Variants in IQSEC1 observed in about 807,000 individuals in gnomAD.
The protein encoded by IQSEC1 is IQ motif and SEC7 domain-containing protein 1.
A neutral mutation model predicts 91.0 loss-of-function variants in IQSEC1; 31 were observed. The ratio of observed to expected loss-of-function variants is 0.34; its 90% CI spans 0.26 to 0.46. The LOEUF is 0.46. Ranked by LOEUF, IQSEC1 falls within the 20% of genes least tolerant of loss-of-function variation. The pLI, the probability that IQSEC1 is intolerant of heterozygous loss-of-function variation, is 1.00. For synonymous variants in IQSEC1, 699 were observed against 662.6 expected, an observed-to-expected ratio of 1.05 and a Z score of -0.84; for missense variants, 1,388 against 1,575.6, an observed-to-expected ratio of 0.88 and a Z score of 2.02.
In IQSEC1 at chr3:12,900,371, TAA is replaced by T; in HGVS notation, c.*610_*611del. 1 of 984,906 alleles carries T rather than the reference TAA, an allele frequency of 1.0e-6. No individual in the cohort carries two copies. Among genetic ancestry groups the T allele is most frequent in the Non-Finnish European group, 1.2e-6 (1 of 829,834 alleles). 61.0% of individuals were successfully genotyped at this position (984,906 alleles called of 1,614,324 possible). On this transcript the variant is annotated 3_prime_UTR_variant, in exon 14 of 14. Coordinates refer to ENST00000613206, the MANE Select transcript of IQSEC1 (RefSeq NM_001134382.3). ...GCTAAGGTACTGTCTTCCTATTAGG[TAA>T]GTGGAGCTCCTTGTAAGGTGGGTAT...
In IQSEC1 at chr3:13,131,729, C is replaced by T. The variant is rs537994308; in HGVS notation, c.302+32375G>A. ...CTCGAACTCCTGACCTCAGGTGATC[C>T]GCCTGCATCAGCCCCACAAAGTGCA... is the stretch of plus-strand genomic sequence containing the variant. On this transcript the variant is annotated intron_variant, in intron 2 of 15. Transcript: ENST00000648114. Among the ~76,000 whole-genome samples, 10 of 152,150 alleles carry T rather than the reference C, an allele frequency of 6.6e-5. No homozygotes were observed. In the South Asian group the frequency reaches 1.2e-3, roughly 19 times the overall value.
chr3:13,096,042 C>G (rs1705949588), intron 2 of IQSEC1, among the ~76,000 whole-genome samples: 1 of 152,204 alleles, frequency 6.6e-6, no homozygotes, highest in Non-Finnish European at 1.5e-5. Context: ...TTCCTCCTGC[C>G]TCAGTATCCG....
chr3:13,129,942 G>A (rs542847330), intron 2 of IQSEC1, among the ~76,000 whole-genome samples: 1 of 152,022 alleles, frequency 6.6e-6, no homozygotes, highest in East Asian at 1.9e-4. Flanking sequence ...ACAGGCGTGA[G>A]CCACCGCGCC....
intron 2 of IQSEC1, among the ~76,000 whole-genome samples, chr3:13,092,734 G>A (rs534420354): frequency 8.7e-4 from 133 of 152,192 alleles, no homozygotes; most frequent in African/African-American, 3.2e-3. Context: ...TGGCCTCTTC[G>A]CGTAAAACAG....
At chr3:13,076,205 C>T (rs984570906), upstream of IQSEC1, among the ~76,000 whole-genome samples, 1 of 152,214 alleles carries the variant, frequency 6.6e-6, no homozygotes, top group African/African-American at 2.4e-5. Flanking sequence ...ACTCACCCAC[C>T]TCTGCAGGCT....
intron 1 of IQSEC1, among the ~76,000 whole-genome samples, chr3:13,218,845 C>T (rs1005963792): frequency 6.6e-6 from 1 of 152,178 alleles, no homozygotes; most frequent in Non-Finnish European, 1.5e-5. Context: ...ATGGAAGGAA[C>T]CTGGAGGAAG....
chr3:13,159,702 C>A (rs1707137848), intron 2 of IQSEC1, among the ~76,000 whole-genome samples: 1 of 152,044 alleles, frequency 6.6e-6, no homozygotes, highest in Non-Finnish European at 1.5e-5. Flanking sequence ...GAGGTGAGAC[C>A]CCCACCCACA....
At chr3:13,174,289 C>T (rs914372871) in intron 1 of IQSEC1, among the ~76,000 whole-genome samples, 1 of 152,166 alleles carries the variant, frequency 6.6e-6, no homozygotes, top group Non-Finnish European at 1.5e-5. Context: ...AGGCTTTGTC[C>T]TCTGGGTCAG....
chr3:13,028,405 A>C (rs1345789215), intron 1 of IQSEC1, among the ~76,000 whole-genome samples: 1 of 152,204 alleles, frequency 6.6e-6, no homozygotes, highest in East Asian at 1.9e-4. Flanking sequence ...AAGTATAAAG[A>C]CAATTGCACA....
At chr3:13,200,959 C>A (rs1047789664) in intron 1 of IQSEC1, among the ~76,000 whole-genome samples, 4 of 152,162 alleles carry the variant, frequency 2.6e-5, no homozygotes, top group African/African-American at 9.7e-5. Context: ...GAAGTATCAG[C>A]AAGATGGGGA....
intron 1 of IQSEC1, among the ~76,000 whole-genome samples, chr3:13,199,447 C>T (rs1694195953): frequency 6.6e-6 from 1 of 152,178 alleles, no homozygotes; most frequent in Non-Finnish European, 1.5e-5. Context: ...CAGCCCCTTT[C>T]CAAGCTGGGC....
At chr3:13,106,865 T>C (rs1706160953) in intron 2 of IQSEC1, among the ~76,000 whole-genome samples, 1 of 152,240 alleles carries the variant, frequency 6.6e-6, no homozygotes, top group South Asian at 2.1e-4. Context: ...TACATTTTTC[T>C]ATCCAAAATA....
Position 13,152,899 on chromosome 3 carries a change from GA to G in IQSEC1, c.302+11204del, listed in dbSNP as rs942583424. Among the ~76,000 whole-genome samples, 19 of 151,644 alleles carry G rather than the reference GA, an allele frequency of 1.3e-4. No individual in the cohort carries two copies. The East Asian group carries it at 2.3e-3, about 19-fold the overall frequency. Reference sequence around the variant, plus strand: ...CAAAACAAAACAAAAACAACCAAATGAAAAAAAAGTGTTCTTGGTTCTTTTC... The same window carrying G: ...CAAAACAAAACAAAAACAACCAAATGAAAAAAAGTGTTCTTGGTTCTTTTC... On this transcript the variant is annotated intron_variant, in intron 2 of 15. Transcript: ENST00000648114.
rs1014194930 is a variant in IQSEC1, at chr3:13,043,797, C to T, written c.23+29195G>A. The stretch of plus-strand genomic sequence containing the variant: ...AGGCTCTCAGAGGCACCACACTCAC[C>T]CCCTCTGGCCGCTTTGGGGCCCAGG... On this transcript the variant is annotated intron_variant, in intron 1 of 13. Coordinates refer to ENST00000613206, the MANE Select transcript of IQSEC1 (RefSeq NM_001134382.3). Among the ~76,000 whole-genome samples the T allele has an allele frequency of 2.6e-4, 40 of 152,322 alleles. 1 individual carries two copies. In the Middle Eastern group the frequency reaches 0.01, roughly 39 times the overall value.
intron 1 of IQSEC1, among the ~76,000 whole-genome samples, chr3:13,210,053 GAGCCTCTGAGTCCCAGTCCTC>G (rs1386209586): frequency 3.8e-4 from 58 of 152,280 alleles, no homozygotes; most frequent in South Asian, 8.3e-4. Flanking sequence ...GCACTCTTCT[GAGCCTCTGAGTCCCAGTCCTC>G]AGCCTCTGAG....
At chr3:13,012,250 C>T (rs541173901) in intron 1 of IQSEC1, among the ~76,000 whole-genome samples, 1 of 152,306 alleles carries the variant, frequency 6.6e-6, no homozygotes, top group East Asian at 1.9e-4. Flanking sequence ...AGGTCAGCTC[C>T]ACTGTGTATG....
intron 1 of IQSEC1, among the ~76,000 whole-genome samples, chr3:13,046,172 G>A (rs1381152385): frequency 6.6e-6 from 1 of 152,252 alleles, no homozygotes; most frequent in Non-Finnish European, 1.5e-5. Context: ...GGTGACGTCT[G>A]TGGAGTGGGC....
At chr3:13,113,115 T>C (rs1274029043) in intron 2 of IQSEC1, among the ~76,000 whole-genome samples, 1 of 152,140 alleles carries the variant, frequency 6.6e-6, no homozygotes, top group Non-Finnish European at 1.5e-5. Flanking sequence ...CTAGCTGCCT[T>C]ACAGTGAGGA....
intron 1 of IQSEC1, 97 bp downstream of exon 1, chr3:13,072,895 C>CTGCCCCTCCCCCAACGA: frequency 9.0e-7 from 1 of 1,117,132 alleles, no homozygotes; most frequent in South Asian, 1.3e-5. Flanking sequence ...GCACATCCAC[C>CTGCCCCTCCCCCAACGA]TGCCCCTCCC....
Sources: allele counts gnomAD v4.1 joint callset (sites outside exome capture counted in the v4.1 genomes callset), GRCh38; gene constraint gnomAD v4.1.1; transcripts MANE v1.5; gene names NCBI Gene and HGNC (gene_info 2026-07-23, HGNC 2026-07-21).